Variants in ERC1 observed in about 807,000 individuals in gnomAD.
ERC1 encodes ELKS/RAB6-interacting/CAST family member 1.
A neutral mutation model predicts 132.0 loss-of-function variants in ERC1; 56 were observed. That is an observed-to-expected ratio of 0.42 (90% CI 0.34 to 0.53). The LOEUF is 0.53. Ranked by LOEUF, ERC1 falls within the 20% of genes least tolerant of loss-of-function variation. ERC1 has a pLI of 0.03. For synonymous variants in ERC1, 478 were observed against 476.1 expected (o/e 1.00, Z -0.05); for missense variants, 1,202 against 1,349.9 (o/e 0.89, Z 1.72).
chr12:1,074,045 A>G (rs1940917200), intron 2 of ERC1, among the ~76,000 whole-genome samples: 1 of 4,500 alleles, frequency 2.2e-4, no homozygotes, highest in African/African-American at 3.3e-4. Context: ...TTGCATTTTT[A>G]GTAGAGACGG....
chr12:1,454,058 C>T (rs911498117), intron 18 of ERC1, among the ~76,000 whole-genome samples: 2 of 152,046 alleles, frequency 1.3e-5, no homozygotes, highest in Non-Finnish European at 2.9e-5. Flanking sequence ...ACACCCCAGC[C>T]TCTAGAGAGA....
intron 17 of ERC1, among the ~76,000 whole-genome samples, chr12:1,426,566 G>A (rs970467800): frequency 1.3e-5 from 2 of 152,176 alleles, no homozygotes; most frequent in Admixed American, 6.5e-5. Flanking sequence ...ATAACTTGCA[G>A]AAATTCCCAG....
At position 1,262,538 on chromosome 12, in the gene ERC1, A is replaced by G. The variant is rs1231697725; in HGVS notation, c.2488-496A>G. On this transcript the variant is annotated intron_variant, in intron 13 of 18. Coordinates refer to ENST00000360905, the MANE Select transcript of ERC1 (RefSeq NM_178040.4). ...ACTAGGATGCATCACTTGCTTTTCA[A>G]TGTCTTTTAAGAAATCGTTTGCTGA... Among the ~76,000 whole-genome samples, 10 of 152,344 alleles carry G rather than the reference A, an allele frequency of 6.6e-5. No individual in the cohort carries two copies. In the Middle Eastern group the frequency reaches 0.01, roughly 155 times the overall value.
At chr12:1,165,785 A>T (rs188474371) in intron 8 of ERC1, among the ~76,000 whole-genome samples, 1 of 152,268 alleles carries the variant, frequency 6.6e-6, no homozygotes, top group East Asian at 1.9e-4. Context: ...GTTAATTTGG[A>T]TGGAATTTTT....
chr12:1,216,602 C>CG (rs1219108707), intron 12 of ERC1, among the ~76,000 whole-genome samples: 3 of 8,942 alleles, frequency 3.4e-4, no homozygotes, highest in African/African-American at 9.0e-4. Flanking sequence ...TTGGTGGGGT[C>CG]GGGGAGGAGG....
chr12:1,400,970 C>G (rs529725718), intron 16 of ERC1, among the ~76,000 whole-genome samples: 3 of 90,788 alleles, frequency 3.3e-5, no homozygotes, highest in African/African-American at 1.2e-4. Context: ...GAGTCTTGCT[C>G]TATCGCCCAG....
chr12:1,044,999 G>T (rs1442946349), intron 2 of ERC1, among the ~76,000 whole-genome samples: 1 of 152,040 alleles, frequency 6.6e-6, no homozygotes, highest in Non-Finnish European at 1.5e-5. Context: ...TTTGGTAAGG[G>T]GTTCCTTGTT....
intron 15 of ERC1, among the ~76,000 whole-genome samples, chr12:1,300,408 C>T (rs2080297508): frequency 6.6e-6 from 1 of 152,088 alleles, no homozygotes; most frequent in Non-Finnish European, 1.5e-5. Context: ...GCAAGGATTT[C>T]ATGACAAAGA....
intron 17 of ERC1, among the ~76,000 whole-genome samples, chr12:1,409,222 AG>A (rs2091698455): frequency 6.6e-6 from 1 of 152,222 alleles, no homozygotes; most frequent in South Asian, 2.1e-4. Flanking sequence ...GTATTTTAGA[AG>A]GAAAACAATG....
chr12:1,445,089 G>A (rs1234184933), intron 18 of ERC1: 1 of 217,056 alleles, frequency 4.6e-6, no homozygotes, highest in Non-Finnish European at 9.2e-6. Context: ...ATACATTGTG[G>A]AATGGCTAAA....
rs563850203 is a variant in ERC1, at chr12:1,060,175, C to CTTTTTTTTTT, written c.670-22988_670-22979dup. ...TCATGGTGGGAGGCAAAGGCCACTT[C>CTTTTTTTTTT]TTTTTTTTTTACTATTATACTTTAA... On this transcript the variant is annotated intron_variant, in intron 2 of 18. Coordinates refer to ENST00000360905, the MANE Select transcript of ERC1 (RefSeq NM_178040.4). Among the ~76,000 whole-genome samples, 9 of 144,182 alleles carry CTTTTTTTTTT rather than the reference C, an allele frequency of 6.2e-5. 1 individual carries two copies. Among genetic ancestry groups the CTTTTTTTTTT allele is most frequent in the Non-Finnish European group, 7.6e-5 (5 of 65,496 alleles). 94.6% of individuals were successfully genotyped at this position (144,182 alleles called of 152,430 possible). A position where few individuals can be genotyped will look rare whatever the true frequency, so the allele number is the denominator to read the frequency against.
At chr12:1,161,854 C>T (rs1186760198) in intron 8 of ERC1, among the ~76,000 whole-genome samples, 2 of 152,100 alleles carry the variant, frequency 1.3e-5, no homozygotes, top group Admixed American at 1.3e-4. Context: ...ATTCTCTAAT[C>T]ATTTCTTTCA....
chr12:1,353,291 A>G (rs923394521), intron 15 of ERC1, among the ~76,000 whole-genome samples: 1 of 152,082 alleles, frequency 6.6e-6, no homozygotes, highest in Non-Finnish European at 1.5e-5. Flanking sequence ...CGGCCTCCCA[A>G]AGTACTGGGA....
chr12:1,079,304 CAG>C (rs1941859462), intron 2 of ERC1, among the ~76,000 whole-genome samples: 1 of 148,284 alleles, frequency 6.7e-6, no homozygotes, highest in South Asian at 2.2e-4. Context: ...TACAGAGATA[CAG>C]ATAGAAATGA....
At chr12:1,313,692 A>AT (rs111876583) in intron 15 of ERC1, among the ~76,000 whole-genome samples, 2,730 of 149,178 alleles carry the variant, frequency 0.018, 31 homozygotes, top group Non-Finnish European at 0.025. Flanking sequence ...ATATTCTAAA[A>AT]TTTTTTTTTT....
chr12:1,046,563 T>C (rs535602416), intron 2 of ERC1, among the ~76,000 whole-genome samples: 15 of 152,326 alleles, frequency 9.8e-5, no homozygotes, highest in African/African-American at 3.4e-4. Context: ...TGATAGAGTC[T>C]ATATGACTTA....
intron 16 of ERC1, among the ~76,000 whole-genome samples, chr12:1,394,047 A>AAAAC (rs1566758165): frequency 6.7e-5 from 4 of 59,882 alleles, no homozygotes; most frequent in Non-Finnish European, 3.4e-5. Flanking sequence ...AAAAAAAACC[A>AAAAC]CAAAGCATTA....
At chr12:1,365,289 T>G (rs1241716643) in intron 15 of ERC1, among the ~76,000 whole-genome samples, 1 of 152,068 alleles carries the variant, frequency 6.6e-6, no homozygotes, top group East Asian at 1.9e-4. Flanking sequence ...TTATCTTCCT[T>G]ACGTGCTCTG....
At chr12:1,161,270 C>T (rs1454262929) in intron 8 of ERC1, among the ~76,000 whole-genome samples, 1 of 152,064 alleles carries the variant, frequency 6.6e-6, no homozygotes, top group Non-Finnish European at 1.5e-5. Context: ...TGAAAGGAGT[C>T]TGAGGAAGTC....
Sources: gnomAD v4.1 joint callset for allele counts (sites outside exome capture counted in the v4.1 genomes callset) on GRCh38, gnomAD v4.1.1 for gene constraint, MANE v1.5 for transcripts, NCBI Gene and HGNC (gene_info 2026-07-23, HGNC 2026-07-21) for gene names.